Variants in BRINP3 observed in about 807,000 individuals in gnomAD.
BRINP3 encodes BMP/retinoic acid inducible neural specific 3, also known as BMP/retinoic acid-inducible neural-specific protein 3.
BRINP3 carries 19 observed loss-of-function variants against 71.0 expected under a neutral mutation model. That is an observed-to-expected ratio of 0.27 (90% CI 0.19 to 0.39). The LOEUF is 0.39. Ranked by LOEUF, BRINP3 falls within the 10% of genes least tolerant of loss-of-function variation. BRINP3 has a pLI of 1.00. For synonymous variants in BRINP3, 380 were observed against 337.7 expected, an observed-to-expected ratio of 1.13 and a Z score of -1.37; for missense variants, 959 against 940.8, an observed-to-expected ratio of 1.02 and a Z score of -0.25.
chr1:190,265,450 C>G (rs1661569044), intron 3 of BRINP3, among the ~76,000 whole-genome samples: 1 of 151,504 alleles, frequency 6.6e-6, no homozygotes, highest in Non-Finnish European at 1.5e-5. Flanking sequence ...GCCTGTAATC[C>G]CAGCACTATG....
chr1:190,375,852 A>G (rs1670151813), intron 2 of BRINP3, among the ~76,000 whole-genome samples: 1 of 152,022 alleles, frequency 6.6e-6, no homozygotes, highest in South Asian at 2.1e-4. Context: ...ATAAAAATAA[A>G]TATGTTAGTG....
chr1:190,103,631 A>G (rs1181734317), intron 7 of BRINP3, among the ~76,000 whole-genome samples: 3 of 152,044 alleles, frequency 2.0e-5, no homozygotes, highest in Admixed American at 6.6e-5. Flanking sequence ...GGATTCCTTA[A>G]ATACCAGCTA....
chr1:190,117,826 T>A (rs952472779), intron 7 of BRINP3, among the ~76,000 whole-genome samples: 1 of 152,088 alleles, frequency 6.6e-6, no homozygotes, highest in Non-Finnish European at 1.5e-5. Context: ...CATTTCATCA[T>A]GTAGTTACAT....
At chr1:190,365,694 TATA>T (rs1004330299) in intron 2 of BRINP3, among the ~76,000 whole-genome samples, 20 of 145,686 alleles carry the variant, frequency 1.4e-4, no homozygotes, top group South Asian at 2.1e-4. Flanking sequence ...TAATACACAA[TATA>T]ATATTATATT....
At chr1:190,429,158 A>T (rs537649530) in intron 2 of BRINP3, among the ~76,000 whole-genome samples, 1 of 152,304 alleles carries the variant, frequency 6.6e-6, no homozygotes, top group South Asian at 2.1e-4. Flanking sequence ...TTATAAAGCC[A>T]TTGGAAGCAA....
chr1:190,224,676 C>A (rs1319832106), intron 6 of BRINP3, among the ~76,000 whole-genome samples: 1 of 151,756 alleles, frequency 6.6e-6, no homozygotes. Context: ...AGTAAACAAT[C>A]AGCAAAGTGA....
Position 190,466,685 on chromosome 1 carries a change from A to G in BRINP3, c.-51+10763T>C, listed in dbSNP as rs554718443. On this transcript the variant is annotated intron_variant, in intron 1 of 7. Coordinates refer to ENST00000367462, the MANE Select transcript of BRINP3 (RefSeq NM_199051.3). ...TTCTTACTGGTTACAGAAGTCATTC[A>G]ATTCACATGGTAACAATTCCACTGT... 6.6e-5 allele frequency among the ~76,000 whole-genome samples: 10 copies of G among 151,780 alleles called. No homozygotes were observed. In the East Asian group the frequency reaches 1.9e-3, roughly 29 times the overall value.
rs1427768187 is a variant in BRINP3, at chr1:190,098,651, C to T, written c.1668G>A (p.Gln556=). The T allele has an allele frequency of 6.2e-7, 1 of 1,614,112 alleles. No homozygotes were observed. The highest frequency in any genetic ancestry group is 8.5e-7 in the Non-Finnish European group (1 of 1,180,024). Residue 556 remains glutamine, a synonymous_variant, in exon 8 of 8, where the codon CAG becomes CAA. Transcript: ENST00000367462. ...LVHMILGLSL[Q]ICLTKNSTLE... is the part of the protein sequence containing the mutation. ...AGGTGCTGTTTTTAGTTAAGCAAAT[C>T]TGTAAAGAGAGACCCAAAATCATAT...
chr1:190,197,907 A>C (rs1654634273), intron 6 of BRINP3, among the ~76,000 whole-genome samples: 1 of 151,944 alleles, frequency 6.6e-6, no homozygotes, highest in Non-Finnish European at 1.5e-5. Context: ...TTTCCCTTCC[A>C]CACTGCCTTA....
chr1:190,183,774 C>G (rs1478806702), intron 6 of BRINP3, among the ~76,000 whole-genome samples: 1 of 152,124 alleles, frequency 6.6e-6, no homozygotes, highest in African/African-American at 2.4e-5. Flanking sequence ...AGGCTCCCCA[C>G]TTGGCTTTCT....
At chr1:190,441,026 C>T (rs1055587393) in intron 2 of BRINP3, among the ~76,000 whole-genome samples, 4 of 151,838 alleles carry the variant, frequency 2.6e-5, no homozygotes, top group African/African-American at 7.2e-5. Flanking sequence ...CTTATTTTCT[C>T]CTTAGATGGG....
intron 2 of BRINP3, among the ~76,000 whole-genome samples, chr1:190,282,965 A>C (rs951205979): frequency 1.3e-5 from 2 of 151,958 alleles, no homozygotes; most frequent in Admixed American, 1.3e-4. Flanking sequence ...TGCTTGGTGC[A>C]AGGAGGCAGG....
chr1:190,360,837 A>G (rs1276257228), intron 2 of BRINP3, among the ~76,000 whole-genome samples: 1 of 152,126 alleles, frequency 6.6e-6, no homozygotes, highest in Non-Finnish European at 1.5e-5. Flanking sequence ...CTTGCAATCT[A>G]GAGAAAGATA....
intron 6 of BRINP3, among the ~76,000 whole-genome samples, chr1:190,208,406 G>T (rs866094140): frequency 6.6e-6 from 1 of 151,934 alleles, no homozygotes; most frequent in Non-Finnish European, 1.5e-5. Context: ...AGCAGGTAAG[G>T]GTTTTCCTTA....
At chr1:190,408,801 T>C (rs1291475813) in intron 2 of BRINP3, among the ~76,000 whole-genome samples, 2 of 152,202 alleles carry the variant, frequency 1.3e-5, no homozygotes, top group African/African-American at 2.4e-5. Context: ...CACCAAGTAT[T>C]AAGCTGTCAA....
At chr1:190,468,357 G>C (rs138621676) in intron 1 of BRINP3, among the ~76,000 whole-genome samples, 324 of 151,312 alleles carry the variant, frequency 2.1e-3, no homozygotes, top group African/African-American at 7.3e-3. Flanking sequence ...TTAATTAACA[G>C]CTATGAATGA....
chr1:190,398,900 GC>G (rs750853412), intron 2 of BRINP3, among the ~76,000 whole-genome samples: 2 of 151,902 alleles, frequency 1.3e-5, no homozygotes, highest in Non-Finnish European at 2.9e-5. Context: ...ATTTTAAGAA[GC>G]TTTTTTGATC....
chr1:190,337,530 C>G (rs1667369811), intron 2 of BRINP3, among the ~76,000 whole-genome samples: 2 of 151,978 alleles, frequency 1.3e-5, no homozygotes. Context: ...CTTCTGGCCT[C>G]CATCTTTCTC....
At chr1:190,147,199 A>G (rs1043760928) in intron 7 of BRINP3, among the ~76,000 whole-genome samples, 2 of 152,222 alleles carry the variant, frequency 1.3e-5, no homozygotes, top group East Asian at 3.9e-4. Context: ...TCCACAACTA[A>G]CAAGCATATT....
Sources: allele counts gnomAD v4.1 joint callset (sites outside exome capture counted in the v4.1 genomes callset), GRCh38; gene constraint gnomAD v4.1.1; transcripts MANE v1.5; gene names NCBI Gene and HGNC (gene_info 2026-07-23, HGNC 2026-07-21).